Variants in KLHL15 observed in about 807,000 individuals in gnomAD.
The protein encoded by KLHL15 is kelch-like protein 15.
KLHL15 carries 1 observed loss-of-function variant against 29.3 expected under a neutral mutation model. That is an observed-to-expected ratio of 0.03 (90% CI 0.01 to 0.16). The LOEUF (loss-of-function observed/expected upper bound fraction) is 0.16, where lower values mean the gene tolerates loss of function less well. KLHL15 is among the 10% of genes least tolerant of loss of function. KLHL15 has a pLI of 1.00. For synonymous variants in KLHL15, 212 were observed against 184.5 expected (o/e 1.15, Z -1.21); for missense variants, 215 against 478.5 (o/e 0.45, Z 5.14).
chrX:23,990,400 T>C (rs1229279085), intron 3 of KLHL15, among the ~76,000 whole-genome samples: 3 of 110,881 alleles, frequency 2.7e-5, no homozygotes, highest in Non-Finnish European at 5.7e-5. Context: ...AAGAGATACT[T>C]TGTGGAAGAT....
In KLHL15 at chrX:23,987,546, T is replaced by C. The variant is rs1286208355; in HGVS notation, c.*375A>G. 1 of 129,103 alleles carries C rather than the reference T, an allele frequency of 7.7e-6. No individual in the cohort carries two copies. Among genetic ancestry groups the C allele is most frequent in the East Asian group, 2.2e-4 (1 of 4,535 alleles). 10.6% of individuals were successfully genotyped at this position (129,103 alleles called of 1,213,427 possible). Reference sequence around the variant, plus strand: ...ACACTGAAATAAATCTTCAAAAAGGTTTCAGATAGAGACAGAGACTGAAAT... The same window carrying C: ...ACACTGAAATAAATCTTCAAAAAGGCTTCAGATAGAGACAGAGACTGAAAT... On this transcript the variant is annotated 3_prime_UTR_variant, in exon 4 of 4. Transcript: ENST00000328046.
intron 2 of KLHL15, among the ~76,000 whole-genome samples, chrX:24,016,824 C>T (rs1437566156): frequency 9.0e-6 from 1 of 111,229 alleles, no homozygotes; most frequent in African/African-American, 3.3e-5. Flanking sequence ...TGTGGTACTA[C>T]TACAGCCAAA....
At chrX:23,989,080 A>C (rs1929031952) in intron 3 of KLHL15, 50 bp from the exon 4 acceptor site, 1 of 1,049,793 alleles carries the variant, frequency 9.5e-7, no homozygotes, top group Admixed American at 2.8e-5. Context: ...CATCAGCTGC[A>C]AACAAATTAT....
chrX:24,026,299 TAATC>T (rs1315255275), intron 1 of KLHL15, among the ~76,000 whole-genome samples: 2 of 112,407 alleles, frequency 1.8e-5, no homozygotes, highest in African/African-American at 3.2e-5. Flanking sequence ...TGCGTCAAAA[TAATC>T]AAGAACGAAC....
intron 2 of KLHL15, among the ~76,000 whole-genome samples, chrX:24,021,333 T>C (rs1389980554): frequency 9.0e-6 from 1 of 111,483 alleles, no homozygotes; most frequent in Non-Finnish European, 1.9e-5. Flanking sequence ...CCCAGATATA[T>C]ATGGTTCCCT....
At position 24,025,032 on chromosome X, in the gene KLHL15, T is replaced by G. The variant is rs1056336703; in HGVS notation, c.-183A>C. On this transcript the variant is annotated 5_prime_UTR_variant, in exon 2 of 4. Transcript: ENST00000328046. ...TCGCTCCGGCGGGGCACGAGAGTGC[T>G]CGCCTGCAGCCCCCTCTGGATAAGT... 6.7e-6 allele frequency: 2 copies of G among 296,649 alleles called. No homozygotes were observed. Among genetic ancestry groups the G allele is most frequent in the African/African-American group, 5.4e-5 (2 of 36,857 alleles). The allele number at this position is 296,649 out of a possible 1,213,427, so 24.4% of individuals were successfully genotyped here.
intron 3 of KLHL15, among the ~76,000 whole-genome samples, chrX:24,002,400 C>A (rs1929346904): frequency 9.0e-6 from 1 of 111,260 alleles, no homozygotes; most frequent in Non-Finnish European, 1.9e-5. Context: ...AAAACTGAAA[C>A]TGTAGTCTAG....
chrX:23,991,545 A>C (rs1391483009), intron 3 of KLHL15, among the ~76,000 whole-genome samples: 2 of 109,139 alleles, frequency 1.8e-5, no homozygotes, highest in Non-Finnish European at 3.8e-5. Flanking sequence ...CAAACAAACA[A>C]ACAAACCAAA....
At position 23,988,715 on chromosome X, in the gene KLHL15, C is replaced by T; in HGVS notation, c.1021G>A (p.Gly341Ser). The stretch of plus-strand genomic sequence containing the variant: ...ACTTTGGAAGAAGCATGGAATTCAC[C>T]ATCCGGGCCCAGCTCTTCCCCGCCT... Reference protein sequence around the residue: ...LLGGEELGPDGEFHASSKVFR... With the variant: ...LLGGEELGPDSEFHASSKVFR... Residue 341 changes from glycine (G) to serine (S), a missense_variant, in exon 4 of 4, where the codon GGT becomes AGT. Physicochemically the swap from Gly to Ser is moderately conservative, Grantham distance 56. Transcript: ENST00000328046. 1 of 1,211,609 alleles carries T rather than the reference C, an allele frequency of 8.3e-7. No individual in the cohort carries two copies. The highest frequency in any genetic ancestry group is 1.1e-6 in the Non-Finnish European group (1 of 895,492).
chrX:23,985,053 A>G lies in KLHL15; in HGVS notation c.*2868T>C, dbSNP rs138545582. 2.6e-3 allele frequency: 296 copies of G among 112,502 alleles called. 1 individual carries two copies. Among genetic ancestry groups the G allele is most frequent in the African/African-American group, 8.0e-3 (250 of 31,102 alleles). 9.3% of individuals were successfully genotyped at this position (112,502 alleles called of 1,213,427 possible). ...CAAAGTGAGAATCTTGCATTTTAAGAAAAGGCTGTAGTGCAAGGAATTTCT... is the reference window on the plus strand; with the variant it reads ...CAAAGTGAGAATCTTGCATTTTAAGGAAAGGCTGTAGTGCAAGGAATTTCT... On this transcript the variant is annotated 3_prime_UTR_variant, in exon 4 of 4. Coordinates refer to ENST00000328046, the MANE Select transcript of KLHL15 (RefSeq NM_030624.3).
At chrX:24,013,702 A>G (rs1048242497) in intron 2 of KLHL15, among the ~76,000 whole-genome samples, 3 of 110,854 alleles carry the variant, frequency 2.7e-5, no homozygotes, top group Admixed American at 9.7e-5. Flanking sequence ...CACACTAATT[A>G]TCAGTTTTCA....
intron 3 of KLHL15, among the ~76,000 whole-genome samples, chrX:24,000,342 G>A (rs893698558): frequency 2.7e-5 from 3 of 110,613 alleles, no homozygotes; most frequent in African/African-American, 9.9e-5. Flanking sequence ...GCGTGGTGGT[G>A]CGTGCCTGTA....
At position 24,024,951 on chromosome X, in the gene KLHL15, G is replaced by C. The variant is rs1375253713; in HGVS notation, c.-102C>G. 3.4e-6 allele frequency: 1 copy of C among 297,198 alleles called. No individual in the cohort carries two copies. Among genetic ancestry groups the C allele is most frequent in the Non-Finnish European group, 5.9e-6 (1 of 170,039 alleles). 24.5% of individuals were successfully genotyped at this position (297,198 alleles called of 1,213,427 possible). ...TGGGTGGGCGGTCGGGCGCCGGGAC[G>C]GCACTCGGCAGGCTCCTCGGACGTC... is the stretch of plus-strand genomic sequence containing the variant. On this transcript the variant is annotated 5_prime_UTR_variant, in exon 2 of 4. Transcript: ENST00000328046.
chrX:24,024,819 CG>C (rs1929887049), intron 2 of KLHL15, 37 bp downstream of exon 2: 1 of 292,977 alleles, frequency 3.4e-6, no homozygotes, highest in African/African-American at 2.8e-5. Flanking sequence ...GGGCGAAGCC[CG>C]GGCTCCGCAG....
chrX:24,016,812 C>T (rs1420448043), intron 2 of KLHL15, among the ~76,000 whole-genome samples: 1 of 111,308 alleles, frequency 9.0e-6, no homozygotes, highest in East Asian at 2.8e-4. Context: ...CATGCCCCTT[C>T]GTGTGGTACT....
chrX:24,003,631 G>A (rs1420561487), intron 3 of KLHL15, among the ~76,000 whole-genome samples: 1 of 92,791 alleles, frequency 1.1e-5, no homozygotes, highest in African/African-American at 4.4e-5. Context: ...CTTAGTACAT[G>A]ACCTAGCATA....
Position 23,988,985 on chromosome X carries a change from C to T in KLHL15, c.751G>A (p.Glu251Lys), listed in dbSNP as rs1486371427. 3.3e-6 allele frequency: 4 copies of T among 1,207,486 alleles called. No homozygotes were observed. The highest frequency in any genetic ancestry group is 5.9e-5 in the East Asian group (2 of 33,771). ...AAGTAATTCAATGCTTGGTCAACTT[C>T]GTAACGGAGCTGTCGGGAGTATCTA... The part of the protein sequence containing the change: ...FYRYSRQLRY[E>K]VDQALNYFQN... Residue 251 changes from glutamate to lysine, a missense_variant, in exon 4 of 4, where the codon GAA becomes AAA. By Grantham distance (56) the Glu-to-Lys change is moderately conservative (BLOSUM62 1). Coordinates refer to ENST00000328046, the MANE Select transcript of KLHL15 (RefSeq NM_030624.3).
At chrX:24,003,986 T>C (rs781080444) in intron 3 of KLHL15, among the ~76,000 whole-genome samples, 20 of 109,984 alleles carry the variant, frequency 1.8e-4, no homozygotes, top group Non-Finnish European at 2.3e-4. Context: ...AAGACAATCT[T>C]ATCTTCACCT....
At chrX:24,011,359 A>G (rs565351207) in intron 2 of KLHL15, among the ~76,000 whole-genome samples, 1 of 106,139 alleles carries the variant, frequency 9.4e-6, no homozygotes. Context: ...AAAAAAAAAA[A>G]GGGCCAGGCG....
Sources: allele counts gnomAD v4.1 joint callset (sites outside exome capture counted in the v4.1 genomes callset), GRCh38; gene constraint gnomAD v4.1.1; transcripts MANE v1.5; gene names NCBI Gene and HGNC (gene_info 2026-07-23, HGNC 2026-07-21).